Variants in ZNF804B observed in about 807,000 individuals in gnomAD.
ZNF804B encodes the protein zinc finger 804B.
In ZNF804B, 80 loss-of-function variants were observed where a neutral mutation model predicts 101.4. The ratio of observed to expected loss-of-function variants is 0.79; its 90% confidence interval spans 0.66 to 0.95. The LOEUF (loss-of-function observed/expected upper bound fraction) is 0.95, where lower values mean the gene tolerates loss of function less well. Among genes scored for constraint, ZNF804B ranks in the 40% least tolerant of loss-of-function variants. The pLI is 0.00. For missense variants in ZNF804B, 1,673 were observed against 1,561.9 expected, an observed-to-expected ratio of 1.07 and a Z score of -1.20; for synonymous variants, 622 against 558.8, an observed-to-expected ratio of 1.11 and a Z score of -1.59.
intron 1 of ZNF804B, among the ~76,000 whole-genome samples, chr7:89,063,932 G>T (rs1789413564): frequency 6.6e-6 from 1 of 152,144 alleles, no homozygotes; most frequent in Admixed American, 6.6e-5. Flanking sequence ...CAAATTAGTA[G>T]TATTGTGTGT....
chr7:89,269,691 G>C (rs976969519), intron 2 of ZNF804B, among the ~76,000 whole-genome samples: 6 of 152,128 alleles, frequency 3.9e-5, no homozygotes, highest in Admixed American at 1.3e-4. Context: ...TAGTGTAAAA[G>C]TGTTCCTATT....
chr7:88,964,796 G>C lies in ZNF804B; in HGVS notation c.108+204712G>C, dbSNP rs865930591. Among the ~76,000 whole-genome samples the C allele has an allele frequency of 7.3e-5, 11 of 151,540 alleles. 1 individual carries two copies. The highest frequency in any genetic ancestry group is 6.8e-3 in the Middle Eastern group (2 of 294). ...ACCTTTGCTTTCTGTACTACTGTGG[G>C]AGCAAAACAGGCTCTTAGAAGCTCA... On this transcript the variant is annotated intron_variant, in intron 1 of 3. Coordinates refer to ENST00000333190, the MANE Select transcript of ZNF804B (RefSeq NM_181646.5).
chr7:89,027,006 C>G (rs1033092280), intron 1 of ZNF804B, among the ~76,000 whole-genome samples: 20 of 151,818 alleles, frequency 1.3e-4, no homozygotes, highest in African/African-American at 4.8e-4. Context: ...GAATAAAATT[C>G]CTGAGAAATA....
intron 1 of ZNF804B, among the ~76,000 whole-genome samples, chr7:89,138,211 G>A (rs6961284): frequency 6.6e-5 from 10 of 151,878 alleles, no homozygotes; most frequent in South Asian, 2.1e-4. Context: ...CAGAGCCCCC[G>A]CACACAGAGT....
intron 1 of ZNF804B, among the ~76,000 whole-genome samples, chr7:89,114,376 C>A (rs950143355): frequency 6.6e-6 from 1 of 152,128 alleles, no homozygotes; most frequent in African/African-American, 2.4e-5. Flanking sequence ...TGAAATTGAG[C>A]CATGGTTCAA....
At chr7:89,098,427 C>A (rs1356455262) in intron 1 of ZNF804B, among the ~76,000 whole-genome samples, 1 of 151,944 alleles carries the variant, frequency 6.6e-6, no homozygotes, top group East Asian at 1.9e-4. Context: ...TGCGTGCCAC[C>A]ACACCCAGCT....
chr7:88,937,646 TC>T (rs1304332165), intron 1 of ZNF804B, among the ~76,000 whole-genome samples: 1 of 151,698 alleles, frequency 6.6e-6, no homozygotes, highest in Non-Finnish European at 1.5e-5. Flanking sequence ...AAATAAATAA[TC>T]TAATTTCTTG....
At chr7:88,877,028 T>TATATATA (rs1791957140) in intron 1 of ZNF804B, among the ~76,000 whole-genome samples, 1 of 36,304 alleles carries the variant, frequency 2.8e-5, no homozygotes, top group African/African-American at 1.6e-4. Context: ...ATATATATAA[T>TATATATA]ATATATATAT....
At chr7:89,261,487 C>T (rs968197146) in intron 2 of ZNF804B, among the ~76,000 whole-genome samples, 2 of 152,138 alleles carry the variant, frequency 1.3e-5, no homozygotes, top group African/African-American at 4.8e-5. Flanking sequence ...CCTGTGCAGT[C>T]CAAATCTGTG....
intron 2 of ZNF804B, among the ~76,000 whole-genome samples, chr7:89,285,603 G>A (rs1346824761): frequency 1.4e-5 from 2 of 141,846 alleles, no homozygotes; most frequent in Non-Finnish European, 3.0e-5. Flanking sequence ...TGAAGAGAAG[G>A]GATATCTGCC....
At chr7:89,064,243 T>C (rs1164974002) in intron 1 of ZNF804B, among the ~76,000 whole-genome samples, 1 of 152,084 alleles carries the variant, frequency 6.6e-6, no homozygotes, top group African/African-American at 2.4e-5. Context: ...TATTGTCTGC[T>C]CCAGAAGAAC....
At chr7:88,823,451 A>G (rs997946820) in intron 1 of ZNF804B, among the ~76,000 whole-genome samples, 2 of 152,142 alleles carry the variant, frequency 1.3e-5, no homozygotes, top group Non-Finnish European at 2.9e-5. Context: ...TGTTTGACAA[A>G]TTATCTCCTG....
chr7:88,926,150 C>A (rs1480214146), intron 1 of ZNF804B, among the ~76,000 whole-genome samples: 1 of 152,150 alleles, frequency 6.6e-6, no homozygotes, highest in Admixed American at 6.6e-5. Flanking sequence ...TTACTGCATT[C>A]TGGATGTTAA....
At chr7:88,902,521 A>AT (rs1271391650) in intron 1 of ZNF804B, among the ~76,000 whole-genome samples, 1 of 151,966 alleles carries the variant, frequency 6.6e-6, no homozygotes, top group Non-Finnish European at 1.5e-5. Context: ...AGTATATAAC[A>AT]TTTTTTCTTT....
intron 2 of ZNF804B, among the ~76,000 whole-genome samples, chr7:89,285,703 C>G (rs1790185995): frequency 6.6e-6 from 1 of 151,366 alleles, no homozygotes; most frequent in Admixed American, 6.6e-5. Flanking sequence ...GAAATGAGTA[C>G]CAGAATTTAA....
Position 89,336,455 on chromosome 7 carries a change from A to ATTT in ZNF804B, c.3474_3475insTTT (p.Tyr1158_Lys1159insPhe). 6.2e-7 allele frequency: 1 copy of ATTT among 1,614,118 alleles called. No homozygotes were observed. The highest frequency in any genetic ancestry group is 1.1e-5 in the South Asian group (1 of 91,088). ...TTTTCTCCTGACGAAATAGATAAAT[A>ATTT]TAAGATCCTACAGCTACAAGCCCAG... On this transcript the variant is annotated inframe_insertion, in exon 4 of 4. Coordinates refer to ENST00000333190, the MANE Select transcript of ZNF804B (RefSeq NM_181646.5).
chr7:88,791,492 T>G (rs1242105324), intron 1 of ZNF804B, among the ~76,000 whole-genome samples: 1 of 152,146 alleles, frequency 6.6e-6, no homozygotes, highest in East Asian at 1.9e-4. Flanking sequence ...TTCTATAACT[T>G]CTTCCAAAAA....
At chr7:88,916,134 T>G (rs1792629827) in intron 1 of ZNF804B, among the ~76,000 whole-genome samples, 1 of 152,098 alleles carries the variant, frequency 6.6e-6, no homozygotes. Context: ...GCTCTTTGAC[T>G]TCAGGAGAAA....
In ZNF804B at chr7:88,774,517, A is replaced by G. The variant is rs147825968; in HGVS notation, c.108+14433A>G. ...ATAGTGAAGGTACTGTTTCTACTCT[A>G]TGGAGGATTCTCTGTTCCTAGTGGT... is the stretch of plus-strand genomic sequence containing the variant. On this transcript the variant is annotated intron_variant, in intron 1 of 3. Transcript: ENST00000333190. 1.9e-3 allele frequency among the ~76,000 whole-genome samples: 294 copies of G among 152,292 alleles called. 1 individual carries two copies. Among genetic ancestry groups the G allele is most frequent in the African/African-American group, 6.8e-3 (282 of 41,566 alleles).
Sources: allele counts gnomAD v4.1 joint callset (sites outside exome capture counted in the v4.1 genomes callset), GRCh38; gene constraint gnomAD v4.1.1; transcripts MANE v1.5; gene names NCBI Gene and HGNC (gene_info 2026-07-23, HGNC 2026-07-21).